HUNK: variants seen among roughly 807,000 people sequenced by gnomAD.
HUNK encodes hormonally up-regulated Neu-associated kinase.
A neutral mutation model predicts 61.0 loss-of-function variants in HUNK; 21 were observed. The observed-to-expected ratio is 0.34, with a 90% CI of 0.24 to 0.50. The LOEUF (loss-of-function observed/expected upper bound fraction) is 0.50, where lower values mean the gene tolerates loss of function less well. HUNK is among the 20% of genes least tolerant of loss of function. The pLI, the probability that HUNK is intolerant of heterozygous loss-of-function variation, is 0.98. For missense variants in HUNK, 772 were observed against 945.7 expected (o/e 0.82, Z 2.41); for synonymous variants, 371 against 386.1 (o/e 0.96, Z 0.46).
At chr21:31,908,885 C>G (rs929581381) in intron 1 of HUNK, among the ~76,000 whole-genome samples, 2 of 151,842 alleles carry the variant, frequency 1.3e-5, no homozygotes, top group African/African-American at 4.8e-5. Flanking sequence ...TTTTTTTTGC[C>G]AATATATTTA....
At position 31,943,089 on chromosome 21, in the gene HUNK, CT is replaced by C. The variant is rs199886691; in HGVS notation, c.610+2879del. 3.3e-3 allele frequency among the ~76,000 whole-genome samples: 487 copies of C among 149,560 alleles called. 2 individuals carry two copies. The highest frequency in any genetic ancestry group is 5.6e-3 in the Non-Finnish European group (379 of 67,222). ...TTCTTTTCTTCAAAGGCATTACCTA[CT>C]TTTTTTTTTCAAAGGTGATTATAGC... On this transcript the variant is annotated intron_variant, in intron 3 of 10. Transcript: ENST00000270112.
At chr21:31,889,519 C>T (rs1388984270) in intron 1 of HUNK, among the ~76,000 whole-genome samples, 5 of 152,118 alleles carry the variant, frequency 3.3e-5, no homozygotes, top group African/African-American at 4.8e-5. Flanking sequence ...AGAAACTAGT[C>T]GATGACTCAG....
At chr21:31,889,350 C>T (rs1274227928) in intron 1 of HUNK, among the ~76,000 whole-genome samples, 1 of 152,102 alleles carries the variant, frequency 6.6e-6, no homozygotes, top group East Asian at 1.9e-4. Context: ...AGTCTGAGAT[C>T]AGAATATTTT....
Position 31,945,281 on chromosome 21 carries a change from C to T in HUNK, c.611-755C>T, listed in dbSNP as rs73903712. ...CTTTAAGATCAAAAGATAAACATGGCGCAGAAGGCATAATAGACCCAAAGT... is the reference window on the plus strand; with the variant it reads ...CTTTAAGATCAAAAGATAAACATGGTGCAGAAGGCATAATAGACCCAAAGT... On this transcript the variant is annotated intron_variant, in intron 3 of 10. Transcript: ENST00000270112. Among the ~76,000 whole-genome samples the T allele has an allele frequency of 8.4e-3, 1,285 of 152,174 alleles. 17 individuals carry two copies. The highest frequency in any genetic ancestry group is 0.029 in the African/African-American group (1,192 of 41,516).
rs779242198 is a variant in HUNK at position 31,999,167 on chromosome 21, G to A, written c.2128G>A (p.Val710Ile). The change falls in exon 11 of 11, where the codon GTC becomes ATC. Residue 710 changes from valine (V) to isoleucine (I), a missense_variant. Coordinates refer to ENST00000270112, the MANE Select transcript of HUNK (RefSeq NM_014586.2). Reference protein sequence around the residue: ...VNLAFDMADGVKTQC With the variant: ...VNLAFDMADGIKTQC ...CCTTGCCTTTGACATGGCCGATGGGGTCAAGACCCAGTGCTAACTTGGGCC... is the reference window on the plus strand; with the variant it reads ...CCTTGCCTTTGACATGGCCGATGGGATCAAGACCCAGTGCTAACTTGGGCC... The A allele has an allele frequency of 5.0e-6, 8 of 1,605,708 alleles. No homozygotes were observed. Among genetic ancestry groups the A allele is most frequent in the Non-Finnish European group, 6.0e-6 (7 of 1,175,904 alleles).
intron 2 of HUNK, among the ~76,000 whole-genome samples, chr21:31,932,041 G>A (rs1263478490): frequency 6.6e-6 from 1 of 152,048 alleles, no homozygotes; most frequent in Non-Finnish European, 1.5e-5. Context: ...CCATGGATGC[G>A]TGCACATGCA....
chr21:31,959,846 T>A (rs1325028583), intron 5 of HUNK, among the ~76,000 whole-genome samples: 1 of 152,220 alleles, frequency 6.6e-6, no homozygotes, highest in East Asian at 1.9e-4. Context: ...TCTTGGCAAG[T>A]GGAATCCAAG....
intron 1 of HUNK, among the ~76,000 whole-genome samples, chr21:31,899,858 A>G (rs1055179482): frequency 2.0e-5 from 3 of 150,684 alleles, no homozygotes; most frequent in African/African-American, 4.9e-5. Flanking sequence ...GCTCACTACA[A>G]CCTCTGCCTC....
At chr21:31,911,566 T>TGG (rs926073697) in intron 1 of HUNK, among the ~76,000 whole-genome samples, 5 of 152,118 alleles carry the variant, frequency 3.3e-5, no homozygotes, top group African/African-American at 1.2e-4. Flanking sequence ...TTCTTTCCTT[T>TGG]GGGAGCCACG....
chr21:31,915,141 G>A (rs542442394), intron 1 of HUNK, among the ~76,000 whole-genome samples: 21 of 151,552 alleles, frequency 1.4e-4, no homozygotes, highest in East Asian at 3.9e-4. Context: ...TACAGGTGTC[G>A]TGTTGATGCT....
chr21:31,911,928 G>T (rs2052548288), intron 1 of HUNK, among the ~76,000 whole-genome samples: 6 of 88 alleles, frequency 0.068, no homozygotes, highest in Admixed American at 0.27. Context: ...GGCAAGCAGG[G>T]ACGATAGTCA....
chr21:31,935,761 T>A (rs928332466), intron 2 of HUNK, among the ~76,000 whole-genome samples: 10 of 152,210 alleles, frequency 6.6e-5, no homozygotes, highest in African/African-American at 2.2e-4. Flanking sequence ...GCTCATCTTA[T>A]TTGTTTTTAT....
At chr21:31,954,660 C>T (rs2052875481) in intron 4 of HUNK, among the ~76,000 whole-genome samples, 3 of 152,230 alleles carry the variant, frequency 2.0e-5, no homozygotes, top group Non-Finnish European at 2.9e-5. Context: ...TTTCATTCTT[C>T]CAGGGCTTTC....
At chr21:31,892,176 T>TAGAGAG (rs1423478679) in intron 1 of HUNK, among the ~76,000 whole-genome samples, 2 of 116,442 alleles carry the variant, frequency 1.7e-5, no homozygotes, top group African/African-American at 3.3e-5. Context: ...TATATATATA[T>TAGAGAG]ATATAGAGAG....
chr21:31,972,845 G>A (rs924319637), intron 6 of HUNK, among the ~76,000 whole-genome samples: 4 of 152,092 alleles, frequency 2.6e-5, no homozygotes, highest in African/African-American at 9.7e-5. Context: ...GGCAAAAGTA[G>A]TGGAGGGAGA....
chr21:31,973,542 C>T (rs2053027639), intron 6 of HUNK, among the ~76,000 whole-genome samples: 1 of 152,066 alleles, frequency 6.6e-6, no homozygotes, highest in Non-Finnish European at 1.5e-5. Context: ...CCCCTGATTT[C>T]TCAGTCTCCA....
chr21:31,926,995 TTC>T (rs139830342), intron 2 of HUNK, among the ~76,000 whole-genome samples: 16 of 151,356 alleles, frequency 1.1e-4, no homozygotes, highest in Admixed American at 7.9e-4. Flanking sequence ...CTTTCTTTCT[TTC>T]TCTCTCTCTC....
chr21:31,879,788 G>A (rs2052292723), intron 1 of HUNK, among the ~76,000 whole-genome samples: 1 of 152,210 alleles, frequency 6.6e-6, no homozygotes, highest in African/African-American at 2.4e-5. Context: ...CCATGGGAAG[G>A]AGGCTTGGGC....
intron 1 of HUNK, among the ~76,000 whole-genome samples, chr21:31,890,241 T>TG (rs1021758093): frequency 2.0e-5 from 3 of 152,200 alleles, no homozygotes; most frequent in Admixed American, 1.3e-4. Flanking sequence ...TACCTTTTTT[T>TG]TTTTTGAGAC....
Sources: gnomAD v4.1 joint callset for allele counts (sites outside exome capture counted in the v4.1 genomes callset) on GRCh38, gnomAD v4.1.1 for gene constraint, MANE v1.5 for transcripts, NCBI Gene and HGNC (gene_info 2026-07-23, HGNC 2026-07-21) for gene names.